Variants in KHDRBS2 observed in about 807,000 individuals in gnomAD.
KHDRBS2 encodes the protein KH domain-containing, RNA-binding, signal transduction-associated protein 2.
In KHDRBS2, 26 loss-of-function variants were observed where a neutral mutation model predicts 44.3. That is an observed-to-expected ratio of 0.59 (90% CI 0.43 to 0.81). The LOEUF is 0.81. Among genes scored for constraint, KHDRBS2 ranks in the 40% least tolerant of loss-of-function variants. The probability of loss-of-function intolerance (pLI) is 0.00; values close to 1 mark genes in which losing one functional copy is unlikely to be tolerated. For synonymous variants in KHDRBS2, 194 were observed against 151.1 expected, an observed-to-expected ratio of 1.28 and a Z score of -2.08; for missense variants, 476 against 433.1, an observed-to-expected ratio of 1.10 and a Z score of -0.88.
chr6:61,698,319 G>A (rs944900761), intron 7 of KHDRBS2, among the ~76,000 whole-genome samples: 3 of 152,020 alleles, frequency 2.0e-5, no homozygotes, highest in African/African-American at 7.2e-5. Context: ...GGGCTCAGTT[G>A]AATGTTTCTC....
intron 2 of KHDRBS2, among the ~76,000 whole-genome samples, chr6:62,049,290 T>A (rs536428181): frequency 6.6e-6 from 1 of 151,648 alleles, no homozygotes; most frequent in East Asian, 1.9e-4. Flanking sequence ...AATATCAGTA[T>A]GAAAAAGAAC....
the KHDRBS2 span, among the ~76,000 whole-genome samples, chr6:61,546,855 T>G: frequency 6.6e-6 from 1 of 152,138 alleles, no homozygotes; most frequent in Non-Finnish European, 1.5e-5. Context: ...TATTATATAC[T>G]TTACAAATTT....
chr6:62,127,988 C>A (rs1809373440), intron 2 of KHDRBS2, among the ~76,000 whole-genome samples: 2 of 152,090 alleles, frequency 1.3e-5, no homozygotes, highest in South Asian at 4.1e-4. Flanking sequence ...AACAAGAGTA[C>A]CTGTCTTACA....
the KHDRBS2 span, among the ~76,000 whole-genome samples, chr6:61,646,539 A>G: frequency 6.6e-6 from 1 of 152,308 alleles, no homozygotes. Flanking sequence ...ACACATGTCA[A>G]TACATGTTAT....
chr6:61,802,303 T>C (rs1715032), intron 6 of KHDRBS2, among the ~76,000 whole-genome samples: 97,574 of 151,956 alleles, frequency 0.64, 32,045 homozygotes, highest in African/African-American at 0.79. Context: ...AATAAGTCAA[T>C]ATTATTTTGA....
At chr6:62,112,610 A>G (rs1267494911) in intron 2 of KHDRBS2, among the ~76,000 whole-genome samples, 1 of 152,162 alleles carries the variant, frequency 6.6e-6, no homozygotes, top group Non-Finnish European at 1.5e-5. Flanking sequence ...ATAATATGAG[A>G]ATCCTTTTCA....
At chr6:61,596,755 G>T in the KHDRBS2 span, among the ~76,000 whole-genome samples, 1 of 152,102 alleles carries the variant, frequency 6.6e-6, no homozygotes, top group Admixed American at 6.6e-5. Flanking sequence ...AGGTTCAAGT[G>T]ATTCTTCTGC....
intron 2 of KHDRBS2, among the ~76,000 whole-genome samples, chr6:62,158,194 T>C (rs919158395): frequency 6.6e-6 from 1 of 152,214 alleles, no homozygotes; most frequent in African/African-American, 2.4e-5. Flanking sequence ...CTATCTGTTT[T>C]ATTACACACA....
At chr6:61,812,767 C>A (rs115166884) in intron 6 of KHDRBS2, among the ~76,000 whole-genome samples, 1 of 151,792 alleles carries the variant, frequency 6.6e-6, no homozygotes, top group African/African-American at 2.4e-5. Flanking sequence ...TACAAGGAAA[C>A]AAAAACAAAA....
At chr6:61,809,882 G>T (rs532378697) in intron 6 of KHDRBS2, among the ~76,000 whole-genome samples, 2 of 152,120 alleles carry the variant, frequency 1.3e-5, no homozygotes, top group Admixed American at 1.3e-4. Flanking sequence ...TTTCATCATT[G>T]TGAAGATTCA....
chr6:62,037,980 T>A lies in KHDRBS2; in HGVS notation c.336+9898A>T, dbSNP rs1785648793. 2.6e-5 allele frequency among the ~76,000 whole-genome samples: 4 copies of A among 152,194 alleles called. No individual in the cohort carries two copies. In the South Asian group the frequency reaches 8.3e-4, roughly 32 times the overall value. ...GTGTTAGTGATTTCTAATATTTAGA[T>A]ATTAAGCAAAAATACATAAATGTGT... On this transcript the variant is annotated intron_variant, in intron 3 of 8. Transcript: ENST00000281156.
chr6:61,579,180 T>C, the KHDRBS2 span, among the ~76,000 whole-genome samples: 1 of 152,140 alleles, frequency 6.6e-6, no homozygotes, highest in African/African-American at 2.4e-5. Flanking sequence ...TCAGAACTTC[T>C]TTTAGGATCT....
At chr6:62,042,126 C>T (rs1386815726) in intron 3 of KHDRBS2, among the ~76,000 whole-genome samples, 1 of 152,016 alleles carries the variant, frequency 6.6e-6, no homozygotes, top group African/African-American at 2.4e-5. Context: ...TATATTTTAA[C>T]ACAATGCTTC....
intron 6 of KHDRBS2, among the ~76,000 whole-genome samples, chr6:61,855,254 G>C (rs1795979535): frequency 6.6e-6 from 1 of 151,970 alleles, no homozygotes; most frequent in South Asian, 2.1e-4. Context: ...AATGCTGTTA[G>C]GATATGAAGA....
chr6:61,765,882 T>C (rs1779938322), intron 6 of KHDRBS2, among the ~76,000 whole-genome samples: 1 of 152,128 alleles, frequency 6.6e-6, no homozygotes, highest in African/African-American at 2.4e-5. Flanking sequence ...TTCAGTTTGC[T>C]AGTATTTTAT....
chr6:62,259,952 C>A (rs1440376279), intron 1 of KHDRBS2, among the ~76,000 whole-genome samples: 1 of 151,970 alleles, frequency 6.6e-6, no homozygotes, highest in Non-Finnish European at 1.5e-5. Flanking sequence ...ATGTGGTTAA[C>A]ATTATACAGG....
chr6:61,645,142 A>G, the KHDRBS2 span, among the ~76,000 whole-genome samples: 1 of 152,184 alleles, frequency 6.6e-6, no homozygotes, highest in Non-Finnish European at 1.5e-5. Context: ...GCCATAAAAA[A>G]TGAGATCCTG....
intron 4 of KHDRBS2, among the ~76,000 whole-genome samples, chr6:61,942,381 TATC>T (rs1194436760): frequency 2.0e-5 from 3 of 151,236 alleles, no homozygotes; most frequent in African/African-American, 7.3e-5. Flanking sequence ...AAAAGATAAA[TATC>T]ATAAAAAGAA....
At chr6:61,571,680 T>C in the KHDRBS2 span, among the ~76,000 whole-genome samples, 4 of 152,096 alleles carry the variant, frequency 2.6e-5, no homozygotes, top group Non-Finnish European at 5.9e-5. Context: ...CAAGTCTCAA[T>C]AAATTTAAGA....
Sources: allele counts gnomAD v4.1 joint callset (sites outside exome capture counted in the v4.1 genomes callset), GRCh38; gene constraint gnomAD v4.1.1; transcripts MANE v1.5; gene names NCBI Gene and HGNC (gene_info 2026-07-23, HGNC 2026-07-21).